Variants in LRMDA observed in about 807,000 individuals in gnomAD.
LRMDA encodes leucine rich melanocyte differentiation associated.
LRMDA carries 18 observed loss-of-function variants against 29.8 expected under a neutral mutation model. The observed-to-expected ratio is 0.60, with a 90% CI of 0.42 to 0.90. LRMDA has a LOEUF of 0.90. Ranked by LOEUF, LRMDA falls within the 40% of genes least tolerant of loss-of-function variation. LRMDA has a pLI of 0.00. For synonymous variants in LRMDA, 125 were observed against 109.4 expected (o/e 1.14, Z -0.89); for missense variants, 273 against 273.9 (o/e 1.00, Z 0.02).
intron 5 of LRMDA, among the ~76,000 whole-genome samples, chr10:76,114,672 A>G (rs1202185714): frequency 6.6e-6 from 1 of 152,236 alleles, no homozygotes; most frequent in Non-Finnish European, 1.5e-5. Context: ...ACGTGTGTGC[A>G]GCTGAGCGTT....
intron 6 of LRMDA, among the ~76,000 whole-genome samples, chr10:76,538,489 T>TAC (rs35382135): frequency 0.41 from 56,778 of 138,444 alleles, 12,777 homozygotes; most frequent in African/African-American, 0.55. Context: ...CATATTTATA[T>TAC]AGTTATATAT....
chr10:76,043,442 C>T (rs1848374258), intron 3 of LRMDA, among the ~76,000 whole-genome samples: 1 of 152,074 alleles, frequency 6.6e-6, no homozygotes, highest in South Asian at 2.1e-4. Context: ...TGGGGATTCC[C>T]ATAGACATTC....
chr10:75,843,223 A>G (rs1175403675), intron 2 of LRMDA, among the ~76,000 whole-genome samples: 1 of 152,256 alleles, frequency 6.6e-6, no homozygotes, highest in African/African-American at 2.4e-5. Context: ...ACTATTGAAC[A>G]TTATGGACAC....
chr10:75,521,543 C>T lies in LRMDA; in HGVS notation c.131+83049C>T, dbSNP rs193004784. Among the ~76,000 whole-genome samples, 171 of 152,272 alleles carry T rather than the reference C, an allele frequency of 1.1e-3. 1 individual carries two copies. The highest frequency in any genetic ancestry group is 1.9e-3 in the Non-Finnish European group (132 of 68,024). On this transcript the variant is annotated intron_variant, in intron 2 of 6. Transcript: ENST00000611255. ...GCACGGGAGAGAATCTCCTGGTATC[C>T]CGGTTGCTTAGACCATGGGAAAAGT...
intron 2 of LRMDA, among the ~76,000 whole-genome samples, chr10:75,560,735 T>C (rs1840282099): frequency 6.6e-6 from 1 of 151,454 alleles, no homozygotes; most frequent in South Asian, 2.1e-4. Context: ...TGAGAGTTTT[T>C]AGCATGAAGC....
At chr10:76,125,376 C>G (rs1379845920) in intron 5 of LRMDA, among the ~76,000 whole-genome samples, 1 of 152,170 alleles carries the variant, frequency 6.6e-6, no homozygotes, top group Admixed American at 6.5e-5. Flanking sequence ...ATGAGGTGAC[C>G]TCCTGTTCGG....
At chr10:75,501,526 G>C (rs955209567) in intron 2 of LRMDA, among the ~76,000 whole-genome samples, 1 of 152,166 alleles carries the variant, frequency 6.6e-6, no homozygotes, top group East Asian at 1.9e-4. Flanking sequence ...CGTGGAATGA[G>C]GTCATCTTGT....
chr10:75,880,116 G>A (rs1397320586), intron 2 of LRMDA, among the ~76,000 whole-genome samples: 2 of 152,196 alleles, frequency 1.3e-5, no homozygotes, highest in Non-Finnish European at 2.9e-5. Context: ...TGTCATCAGT[G>A]TCCAATGAGT....
rs117106039 is a variant in LRMDA, at chr10:76,034,563, A to C, written c.132-1445A>C. Among the ~76,000 whole-genome samples the C allele has an allele frequency of 3.7e-3, 561 of 152,176 alleles. 4 individuals are homozygous for C. Among genetic ancestry groups the C allele is most frequent in the Middle Eastern group, 0.017 (5 of 294 alleles). Reference sequence around the variant, plus strand: ...TGGGCCCAGTGGTATCTACAGATTTAATTACTTACAACACATTTTTATACC... The same window carrying C: ...TGGGCCCAGTGGTATCTACAGATTTCATTACTTACAACACATTTTTATACC... On this transcript the variant is annotated intron_variant, in intron 2 of 6. Coordinates refer to ENST00000611255, the MANE Select transcript of LRMDA (RefSeq NM_001305581.2).
intron 5 of LRMDA, among the ~76,000 whole-genome samples, chr10:76,078,850 C>CA (rs969266033): frequency 9.7e-5 from 12 of 123,194 alleles, no homozygotes; most frequent in Admixed American, 2.3e-4. Flanking sequence ...CAAAAACAAA[C>CA]AAACAAAAAA....
At chr10:75,976,887 T>C (rs777906283) in intron 2 of LRMDA, among the ~76,000 whole-genome samples, 17 of 152,294 alleles carry the variant, frequency 1.1e-4, no homozygotes, top group South Asian at 8.3e-4. Flanking sequence ...TAAACCCTTG[T>C]TGGGTGAATT....
At chr10:75,536,362 A>G (rs1212468808) in intron 2 of LRMDA, among the ~76,000 whole-genome samples, 1 of 152,066 alleles carries the variant, frequency 6.6e-6, no homozygotes, top group Admixed American at 6.6e-5. Flanking sequence ...TCCCCTCTAT[A>G]GGATGCTCTC....
chr10:76,433,510 G>C (rs1417996131), intron 6 of LRMDA, among the ~76,000 whole-genome samples: 1 of 152,170 alleles, frequency 6.6e-6, no homozygotes, highest in African/African-American at 2.4e-5. Flanking sequence ...GCCTGTCCTG[G>C]GGTCCAGCTA....
intron 2 of LRMDA, among the ~76,000 whole-genome samples, chr10:75,930,864 C>T (rs1002894628): frequency 5.9e-5 from 9 of 152,168 alleles, no homozygotes; most frequent in African/African-American, 2.2e-4. Context: ...AACTAATAAG[C>T]CTAATAAGAA....
chr10:75,986,790 C>T (rs75161337), intron 2 of LRMDA, among the ~76,000 whole-genome samples: 229 of 152,356 alleles, frequency 1.5e-3, no homozygotes, highest in African/African-American at 5.3e-3. Context: ...CAGATAACAC[C>T]AGCTTCTCCT....
At chr10:76,225,858 T>A (rs1851946717) in intron 5 of LRMDA, among the ~76,000 whole-genome samples, 1 of 149,748 alleles carries the variant, frequency 6.7e-6, no homozygotes, top group African/African-American at 2.4e-5. Flanking sequence ...GTATATCTCC[T>A]AATGCTATCC....
chr10:75,806,472 C>A (rs1843854534), intron 2 of LRMDA, among the ~76,000 whole-genome samples: 1 of 152,122 alleles, frequency 6.6e-6, no homozygotes, highest in African/African-American at 2.4e-5. Flanking sequence ...GACCTTTGAA[C>A]ATTCTGATAG....
chr10:75,714,647 C>T (rs1842476313), intron 2 of LRMDA, among the ~76,000 whole-genome samples: 1 of 152,196 alleles, frequency 6.6e-6, no homozygotes, highest in South Asian at 2.1e-4. Context: ...CTGTCAGTCT[C>T]ATGCTGTTGG....
chr10:75,847,841 A>G (rs1275199283), intron 2 of LRMDA, among the ~76,000 whole-genome samples: 1 of 152,222 alleles, frequency 6.6e-6, no homozygotes, highest in Admixed American at 6.5e-5. Context: ...TCATAAGAGA[A>G]AGAAAATAAA....
Sources: allele counts gnomAD v4.1 joint callset (sites outside exome capture counted in the v4.1 genomes callset), GRCh38; gene constraint gnomAD v4.1.1; transcripts MANE v1.5; gene names NCBI Gene and HGNC (gene_info 2026-07-23, HGNC 2026-07-21).